LRRFIP1: variants seen among roughly 807,000 people sequenced by gnomAD.
LRRFIP1 encodes the protein LRR binding FLII interacting protein 1.
LRRFIP1 carries 62 observed loss-of-function variants against 104.4 expected under a neutral mutation model. The observed-to-expected ratio is 0.59, with a 90% CI of 0.48 to 0.73. The LOEUF is 0.73. Ranked by LOEUF, LRRFIP1 falls within the 30% of genes least tolerant of loss-of-function variation. The pLI, the probability that LRRFIP1 is intolerant of heterozygous loss-of-function variation, is 0.00. For synonymous variants in LRRFIP1, 300 were observed against 299.0 expected, an observed-to-expected ratio of 1.00 and a Z score of -0.03; for missense variants, 796 against 824.5, an observed-to-expected ratio of 0.97 and a Z score of 0.42.
At chr2:237,708,009 G>A (rs1473994906) in intron 1 of LRRFIP1, among the ~76,000 whole-genome samples, 3 of 152,204 alleles carry the variant, frequency 2.0e-5, no homozygotes, top group African/African-American at 4.8e-5. Context: ...CCAGCTCCAC[G>A]CCAGCCAGCC....
Position 237,661,237 on chromosome 2 carries a change from T to A in LRRFIP1, c.96+33497T>A, listed in dbSNP as rs148106450. Among the ~76,000 whole-genome samples, 20 of 152,324 alleles carry A rather than the reference T, an allele frequency of 1.3e-4. 1 individual carries two copies. In the East Asian group the frequency reaches 3.3e-3, roughly 25 times the overall value. On this transcript the variant is annotated intron_variant, in intron 1 of 23. Transcript: ENST00000308482. The surrounding 1 kb of genome is among the most constrained non-coding windows in gnomAD (Gnocchi z 4.4). Reference sequence around the variant, plus strand: ...TGATTGAGCTGTTTCCTGGGCCCTCTGATGATTCTCCCTCTGCCTTGGAGG... The same window carrying A: ...TGATTGAGCTGTTTCCTGGGCCCTCAGATGATTCTCCCTCTGCCTTGGAGG...
chr2:237,765,471 C>T (rs1428650167), intron 19 of LRRFIP1: 12 of 664,800 alleles, frequency 1.8e-5, no homozygotes, highest in Non-Finnish European at 2.0e-5. Flanking sequence ...GTTTTTGAAC[C>T]TTAAAATACT....
chr2:237,719,733 T>C (rs1222304437), intron 5 of LRRFIP1, among the ~76,000 whole-genome samples, 166 bp downstream of exon 5: 1 of 152,160 alleles, frequency 6.6e-6, no homozygotes, highest in East Asian at 1.9e-4. Context: ...ATTACCTAAA[T>C]AAAGACTATG....
chr2:237,720,699 G>A, intron 5 of LRRFIP1, 73 bp from the exon 6 acceptor site: 1 of 1,389,442 alleles, frequency 7.2e-7, no homozygotes, highest in Non-Finnish European at 1.0e-6. Flanking sequence ...GCATCCCCCT[G>A]AAACTTGGGC....
chr2:237,768,463 T>C (rs2060376339), intron 19 of LRRFIP1: 1 of 152,224 alleles, frequency 6.6e-6, no homozygotes, highest in South Asian at 2.1e-4. Context: ...CAGTGTTTCT[T>C]ATGACGCCTG....
chr2:237,714,284 CTTCT>C lies in LRRFIP1; in HGVS notation c.201+15_201+18del. On this transcript the variant is annotated intron_variant, in intron 3 of 23. Coordinates refer to ENST00000308482, the MANE Select transcript of LRRFIP1 (RefSeq NM_001137550.2). ...ATCTATCAGGTCCAAAAGGTAGGCT[CTTCT>C]TTCTTTATTTTCTAACTTGCATGTA... The C allele has an allele frequency of 6.3e-7, 1 of 1,598,484 alleles. No homozygotes were observed. Among genetic ancestry groups the C allele is most frequent in the Non-Finnish European group, 8.6e-7 (1 of 1,169,374 alleles).
At chr2:237,723,067 A>G (rs2094589797) in intron 6 of LRRFIP1, among the ~76,000 whole-genome samples, 2 of 152,354 alleles carry the variant, frequency 1.3e-5, no homozygotes, top group East Asian at 1.9e-4. Flanking sequence ...AGAAAAAATG[A>G]TAAACCCTAA....
At chr2:237,718,757 A>G (rs997097345) in intron 4 of LRRFIP1, among the ~76,000 whole-genome samples, 1 of 152,222 alleles carries the variant, frequency 6.6e-6, no homozygotes, top group African/African-American at 2.4e-5. Context: ...CATCTTACGT[A>G]CTGGGTATAA....
chr2:237,638,090 T>C (rs114931776), intron 1 of LRRFIP1, among the ~76,000 whole-genome samples: 2,051 of 152,250 alleles, frequency 0.013, 43 homozygotes, highest in African/African-American at 0.044. Context: ...GCACATTACA[T>C]TTATTGTGCA....
chr2:237,658,502 G>T (rs1396733150), intron 1 of LRRFIP1, among the ~76,000 whole-genome samples: 2 of 152,106 alleles, frequency 1.3e-5, no homozygotes, highest in African/African-American at 4.8e-5. Context: ...ATTAGTAGGG[G>T]GCTGTGCATT....
chr2:237,706,873 C>G (rs892013455), intron 1 of LRRFIP1, among the ~76,000 whole-genome samples: 3 of 152,202 alleles, frequency 2.0e-5, no homozygotes, highest in African/African-American at 7.2e-5. Context: ...AGAGATCCTA[C>G]CTGCCACCGC....
At chr2:237,666,838 C>A (rs1251080513) in intron 1 of LRRFIP1, among the ~76,000 whole-genome samples, 5 of 111,834 alleles carry the variant, frequency 4.5e-5, no homozygotes, top group African/African-American at 3.3e-5. Flanking sequence ...TGCCTTCCTG[C>A]CTTCTTTTTT....
chr2:237,712,626 CGTGTGTGTGCGTGTGCAT>C (rs935908553), intron 2 of LRRFIP1, among the ~76,000 whole-genome samples: 8 of 152,148 alleles, frequency 5.3e-5, no homozygotes, highest in African/African-American at 1.9e-4. Context: ...CGCACGCATT[CGTGTGTGTGCGTGTGCAT>C]GTGTGTGTGC....
Position 237,749,319 on chromosome 2 carries a change from A to G in LRRFIP1, c.790A>G (p.Ile264Val), listed in dbSNP as rs1388033834. Residue 264 changes from isoleucine (I) to valine (V), a missense_variant, in exon 13 of 24, where the codon ATC (isoleucine) becomes GTC (valine). Ile to Val is a conservative substitution (Grantham distance 29). Transcript: ENST00000308482. ...SIDTEASIRE[I>V]KELNELKDQI... ...CGACACCGAGGCATCCATCAGGGAA[A>G]TCAAGGTGAGATGCTCTCTTCTTAC... is the stretch of plus-strand genomic sequence containing the variant. The G allele has an allele frequency of 6.6e-5, 107 of 1,613,604 alleles. No individual in the cohort carries two copies. The highest frequency in any genetic ancestry group is 8.9e-5 in the Non-Finnish European group (105 of 1,180,000).
chr2:237,697,102 A>G (rs1340494848), intron 1 of LRRFIP1, among the ~76,000 whole-genome samples: 2 of 152,030 alleles, frequency 1.3e-5, no homozygotes, highest in African/African-American at 4.8e-5. Flanking sequence ...GCTCACTGCA[A>G]CCTCCGTTTC....
rs1575795904 is a variant in LRRFIP1 at position 237,719,687 on chromosome 2, A to T, written c.294+120A>T. 8.1e-6 allele frequency: 5 copies of T among 615,320 alleles called. No homozygotes were observed. The East Asian group carries it at 1.4e-4, about 18-fold the overall frequency. 38.1% of individuals were successfully genotyped at this position (615,320 alleles called of 1,614,324 possible). On this transcript the variant is annotated intron_variant, in intron 5 of 23. Coordinates refer to ENST00000308482, the MANE Select transcript of LRRFIP1 (RefSeq NM_001137550.2). ...AATGATGATATCATCTCTTAAAGAA[A>T]TTAACTAATACTATTAATGATAGAA...
chr2:237,651,904 C>T (rs1297114841), intron 1 of LRRFIP1, among the ~76,000 whole-genome samples: 2 of 152,246 alleles, frequency 1.3e-5, no homozygotes, highest in African/African-American at 2.4e-5. Flanking sequence ...GGTAGCCTCT[C>T]AGCTTTAGTT....
intron 19 of LRRFIP1, chr2:237,765,280 C>A (rs28485150): frequency 0.066 from 5,477 of 82,440 alleles, 311 homozygotes; most frequent in African/African-American, 0.25. Context: ...AAAAAAAAAA[C>A]ACACACACAC....
chr2:237,734,219 A>G (rs945619624), intron 9 of LRRFIP1, among the ~76,000 whole-genome samples: 1 of 149,682 alleles, frequency 6.7e-6, no homozygotes, highest in South Asian at 2.1e-4. Flanking sequence ...TACTTATGCT[A>G]TGCAAGAAAC....
Sources: allele counts gnomAD v4.1 joint callset (sites outside exome capture counted in the v4.1 genomes callset), GRCh38; gene constraint gnomAD v4.1.1; non-coding constraint Gnocchi (gnomAD v3.1); transcripts MANE v1.5; gene names NCBI Gene and HGNC (gene_info 2026-07-23, HGNC 2026-07-21).